The following TUFT1 variants were observed in gnomAD, a reference collection of about 807,000 sequenced individuals.
The protein encoded by TUFT1 is tuftelin 1.
Under a neutral mutation model 57.8 loss-of-function variants are expected in TUFT1, and 43 were observed. The ratio of observed to expected loss-of-function variants is 0.74; its 90% CI spans 0.58 to 0.96. The LOEUF (loss-of-function observed/expected upper bound fraction) is 0.96. TUFT1 is among the 40% of genes least tolerant of loss of function. TUFT1 has a pLI of 0.00. For synonymous variants in TUFT1, 166 were observed against 176.7 expected, an observed-to-expected ratio of 0.94 and a Z score of 0.48; for missense variants, 459 against 489.0, an observed-to-expected ratio of 0.94 and a Z score of 0.58.
At chr1:151,579,422 C>T (rs1040741071) in intron 10 of TUFT1, among the ~76,000 whole-genome samples, 2 of 152,118 alleles carry the variant, frequency 1.3e-5, no homozygotes, top group Non-Finnish European at 2.9e-5. Context: ...TTTTGTCATT[C>T]ATTATTTTGG....
At chr1:151,555,771 C>T (rs1404742983) in intron 1 of TUFT1, among the ~76,000 whole-genome samples, 6 of 128,958 alleles carry the variant, frequency 4.7e-5, no homozygotes, top group Admixed American at 2.5e-4. Flanking sequence ...GGTGAGACTC[C>T]GTCTCAAAAA....
chr1:151,572,177 G>A (rs1666272346), intron 7 of TUFT1, among the ~76,000 whole-genome samples: 1 of 152,142 alleles, frequency 6.6e-6, no homozygotes, highest in African/African-American at 2.4e-5. Flanking sequence ...CTCTAGCCTG[G>A]GCAACAGATT....
intron 1 of TUFT1, among the ~76,000 whole-genome samples, chr1:151,546,837 G>T (rs1409949457): frequency 6.6e-6 from 1 of 152,118 alleles, no homozygotes; most frequent in Admixed American, 6.5e-5. Context: ...TACGAACTTT[G>T]GTGTACAAGT....
At chr1:151,548,310 T>TTC (rs1475326797) in intron 1 of TUFT1, among the ~76,000 whole-genome samples, 1 of 148,302 alleles carries the variant, frequency 6.7e-6, no homozygotes, top group Non-Finnish European at 1.5e-5. Flanking sequence ...CTTTTCTTTT[T>TTC]TTTTTTTTTT....
At chr1:151,553,459 G>A (rs997900799) in intron 1 of TUFT1, among the ~76,000 whole-genome samples, 3 of 152,150 alleles carry the variant, frequency 2.0e-5, no homozygotes, top group African/African-American at 7.2e-5. Flanking sequence ...AGGTTTTATG[G>A]CTGGCTTTGG....
intron 1 of TUFT1, among the ~76,000 whole-genome samples, chr1:151,554,720 T>TTC (rs1227623315): frequency 1.0e-4 from 14 of 137,750 alleles, no homozygotes; most frequent in Admixed American, 5.2e-4. Flanking sequence ...TTTTTTTTTT[T>TTC]TGAGACAGAG....
Position 151,562,611 on chromosome 1 carries a change from G to T in TUFT1, c.162G>T (p.Val54=). 1 of 1,612,630 alleles carries T rather than the reference G, an allele frequency of 6.2e-7. No individual in the cohort carries two copies. Residue 54 remains valine (V), a synonymous_variant, in exon 3 of 13, where the codon GTG becomes GTT. Transcript: ENST00000368849. ...QKAGRKTYAM[V]SSHSAGHSLA... ...CGGGCAGGAAGACCTATGCCATGGTGTCCAGCCACTCAGCTGGTCATTCTC... is the reference window on the plus strand; with the variant it reads ...CGGGCAGGAAGACCTATGCCATGGTTTCCAGCCACTCAGCTGGTCATTCTC...
At chr1:151,545,985 G>C (rs140411201) in intron 1 of TUFT1, 3 of 283,776 alleles carry the variant, frequency 1.1e-5, no homozygotes, top group South Asian at 3.2e-5. Flanking sequence ...TCTTTCTTTC[G>C]AATATTTGCA....
At chr1:151,574,766 C>T in intron 8 of TUFT1, 145 bp from the exon 9 acceptor site, 1 of 708,398 alleles carries the variant, frequency 1.4e-6, no homozygotes, top group Non-Finnish European at 2.4e-6. Context: ...AGGGATGGCT[C>T]CCCATCAAAC....
intron 11 of TUFT1, among the ~76,000 whole-genome samples, chr1:151,580,111 G>A (rs535855187): frequency 2.6e-5 from 4 of 152,148 alleles, no homozygotes; most frequent in Non-Finnish European, 5.9e-5. Flanking sequence ...GCTAGATTAC[G>A]TAACGAGTTG....
At chr1:151,566,074 T>C in intron 5 of TUFT1, 89 bp from the exon 6 acceptor site, 2 of 554,480 alleles carry the variant, frequency 3.6e-6, no homozygotes, top group South Asian at 3.4e-5. Context: ...TGTCCTTCTC[T>C]TTCTAAGATT....
chr1:151,573,446 C>T (rs1254905726), intron 7 of TUFT1, among the ~76,000 whole-genome samples: 2 of 152,172 alleles, frequency 1.3e-5, no homozygotes, highest in African/African-American at 2.4e-5. Context: ...TGCTTCTATC[C>T]TCTAAATTGG....
chr1:151,574,921 C>A lies in TUFT1; in HGVS notation c.734C>A (p.Ala245Asp), dbSNP rs4994617. 1 of 1,571,462 alleles carries A rather than the reference C, an allele frequency of 6.4e-7. No individual in the cohort carries two copies. The highest frequency in any genetic ancestry group is 8.6e-7 in the Non-Finnish European group (1 of 1,157,800). Residue 245 changes from alanine (A) to aspartate (D), a missense_variant, in exon 9 of 13, where the codon GCC becomes GAC. Ala to Asp is a moderately radical substitution (Grantham distance 126, BLOSUM62 -2). Coordinates refer to ENST00000368849, the MANE Select transcript of TUFT1 (RefSeq NM_020127.3). ...TTGTGGCCCACCCAGGAGCATCAGG[C>A]CTTACTGGCGAAAGTGAGGGAAGGG... Reference protein sequence around the residue: ...RLLGMETEHQALLAKVREGEV... With the variant: ...RLLGMETEHQDLLAKVREGEV...
chr1:151,543,325 ATATGTG>A (rs753982436), intron 1 of TUFT1, among the ~76,000 whole-genome samples: 21 of 83,338 alleles, frequency 2.5e-4, no homozygotes, highest in East Asian at 1.3e-3. Flanking sequence ...AGTTATATAT[ATATGTG>A]TGTGTGTGTG....
chr1:151,579,860 G>T, intron 11 of TUFT1, 128 bp downstream of exon 11: 2 of 920,098 alleles, frequency 2.2e-6, no homozygotes, highest in South Asian at 1.7e-5. Flanking sequence ...TACCTAGGGT[G>T]GTTGGTTGAC....
rs894267725 is a variant in TUFT1, at chr1:151,578,577, C to G, written c.819-144C>G. 25 of 584,228 alleles carry G rather than the reference C, an allele frequency of 4.3e-5. No homozygotes were observed. The East Asian group carries it at 8.4e-4, about 20-fold the overall frequency. 36.2% of individuals were successfully genotyped at this position (584,228 alleles called of 1,614,324 possible). A position where few individuals can be genotyped will look rare whatever the true frequency, so the allele number is the denominator to read the frequency against. ...CAATGTGATATTCTAAGGTACCCAC[C>G]ACCTACTCTTCAGAGCAGCCTACCA... On this transcript the variant is annotated intron_variant, in intron 9 of 12. Transcript: ENST00000368849.
In TUFT1 at chr1:151,564,481, CTT is replaced by C. The variant is rs755429799; in HGVS notation, c.325-42_325-41del. The C allele has an allele frequency of 3.3e-6, 5 of 1,511,380 alleles. No homozygotes were observed. The African/African-American group carries it at 6.9e-5, about 21-fold the overall frequency. 93.6% of individuals were successfully genotyped at this position (1,511,380 alleles called of 1,614,324 possible). On this transcript the variant is annotated intron_variant, in intron 4 of 12. Transcript: ENST00000368849. The stretch of plus-strand genomic sequence containing the variant: ...AGAGTTGGGTGAGTTGGCATGCTCT[CTT>C]TCTCTACCCTAAAGCTCAAGTTTCT...
At chr1:151,578,955 A>G in intron 10 of TUFT1, 129 bp downstream of exon 10, 2 of 681,320 alleles carry the variant, frequency 2.9e-6, no homozygotes, top group Non-Finnish European at 4.8e-6. Flanking sequence ...ACCAATTACC[A>G]GGTTCAGGTT....
At chr1:151,569,584 TG>T in intron 6 of TUFT1, 72 bp from the exon 7 acceptor site, 1 of 1,258,668 alleles carries the variant, frequency 7.9e-7, no homozygotes, top group Non-Finnish European at 1.2e-6. Context: ...AGTGTGTGCC[TG>T]GGAGGGGGGA....
Sources: gnomAD v4.1 joint callset for allele counts (sites outside exome capture counted in the v4.1 genomes callset) on GRCh38, gnomAD v4.1.1 for gene constraint, MANE v1.5 for transcripts, NCBI Gene and HGNC (gene_info 2026-07-23, HGNC 2026-07-21) for gene names.